The following BTBD7 variants were observed in gnomAD, a reference collection of about 807,000 sequenced individuals.
BTBD7 encodes the protein BTB domain containing 7.
BTBD7 carries 38 observed loss-of-function variants against 99.9 expected under a neutral mutation model. The observed-to-expected ratio is 0.38, with a 90% CI of 0.29 to 0.50. The LOEUF (loss-of-function observed/expected upper bound fraction) is 0.50. Ranked by LOEUF, BTBD7 falls within the 20% of genes least tolerant of loss-of-function variation. The pLI, the probability that BTBD7 is intolerant of heterozygous loss-of-function variation, is 0.93. For synonymous variants in BTBD7, 520 were observed against 511.4 expected, an observed-to-expected ratio of 1.02 and a Z score of -0.23; for missense variants, 1,170 against 1,394.6, an observed-to-expected ratio of 0.84 and a Z score of 2.57.
At chr14:93,265,561 G>T (rs2052532730) in intron 3 of BTBD7, among the ~76,000 whole-genome samples, 1 of 152,258 alleles carries the variant, frequency 6.6e-6, no homozygotes, top group Admixed American at 6.5e-5. Flanking sequence ...GTGGTTAACA[G>T]AACCATTCAT....
chr14:93,275,533 C>T (rs541638907), intron 3 of BTBD7, among the ~76,000 whole-genome samples: 1 of 152,326 alleles, frequency 6.6e-6, no homozygotes. Context: ...AGTTGCTTAA[C>T]AGTGGTCACT....
intron 3 of BTBD7, among the ~76,000 whole-genome samples, chr14:93,285,502 C>T (rs1227088036): frequency 6.6e-6 from 1 of 152,178 alleles, no homozygotes; most frequent in East Asian, 1.9e-4. Context: ...AGTTTGAAGT[C>T]TACAGTAAAT....
At chr14:93,315,099 C>T (rs2053183841) in intron 1 of BTBD7, among the ~76,000 whole-genome samples, 1 of 152,120 alleles carries the variant, frequency 6.6e-6, no homozygotes, top group South Asian at 2.1e-4. Context: ...TTACTGCAAA[C>T]ATTTTTACAT....
In BTBD7 at chr14:93,246,055, G is replaced by A. The variant is rs1374510886; in HGVS notation, c.2353C>T (p.Pro785Ser). The A allele has an allele frequency of 1.9e-6, 3 of 1,613,824 alleles. No individual in the cohort carries two copies. Among genetic ancestry groups the A allele is most frequent in the Non-Finnish European group, 2.5e-6 (3 of 1,179,940 alleles). ...AATGAACGTGAAGGGTGCTGACTGG[G>A]AGGTCTTTGCTTCCAGCCTGCTTTG... ...QLKAGWKQRPPSQHPSRSFSY... is the reference protein window; with the variant it reads ...QLKAGWKQRPSSQHPSRSFSY... The change falls in exon 10 of 11, where the codon CCC becomes TCC. Residue 785 changes from proline (P) to serine (S), a missense_variant. By Grantham distance (74) the Pro-to-Ser change is moderately conservative. Transcript: ENST00000334746.
At chr14:93,298,580 T>C (rs1457855251) in intron 1 of BTBD7, among the ~76,000 whole-genome samples, 2 of 152,082 alleles carry the variant, frequency 1.3e-5, no homozygotes, top group Non-Finnish European at 1.5e-5. Context: ...TATTACAAAA[T>C]TGGAAAAAAT....
chr14:93,284,202 G>C (rs1055394957), intron 3 of BTBD7, among the ~76,000 whole-genome samples: 1 of 152,098 alleles, frequency 6.6e-6, no homozygotes, highest in Non-Finnish European at 1.5e-5. Context: ...ACTGGCTTTT[G>C]AGAATTTTCT....
intron 1 of BTBD7, among the ~76,000 whole-genome samples, chr14:93,317,904 T>TTC (rs2139816768): frequency 6.6e-6 from 1 of 152,336 alleles, no homozygotes; most frequent in East Asian, 1.9e-4. Flanking sequence ...GCAGTGAGTC[T>TTC]CTTATAAGCT....
Position 93,246,098 on chromosome 14 carries a change from G to A in BTBD7, c.2310C>T (p.Thr770=). The change falls in exon 10 of 11, where the codon ACC becomes ACT. Residue 770 remains threonine (T), a synonymous_variant. Coordinates refer to ENST00000334746, the MANE Select transcript of BTBD7 (RefSeq NM_001002860.4). ...PPPPPYHPPA[T]PIHNQLKAGW... ...CTGCTTTGAGTTGGTTATGGATTGGGGTAGCTGGGGGGTGGTAGGGAGGTG... is the reference window on the plus strand; with the variant it reads ...CTGCTTTGAGTTGGTTATGGATTGGAGTAGCTGGGGGGTGGTAGGGAGGTG... The A allele has an allele frequency of 6.4e-7, 1 of 1,562,272 alleles. No homozygotes were observed. The highest frequency in any genetic ancestry group is 8.6e-7 in the Non-Finnish European group (1 of 1,158,880).
intron 2 of BTBD7, 64 bp downstream of exon 2, chr14:93,295,906 C>A: frequency 6.8e-7 from 1 of 1,468,624 alleles, no homozygotes; most frequent in Non-Finnish European, 9.5e-7. Flanking sequence ...TCTACAGAGA[C>A]TACCGAAAAC....
At chr14:93,272,055 A>C (rs1221070842) in intron 3 of BTBD7, among the ~76,000 whole-genome samples, 1 of 151,970 alleles carries the variant, frequency 6.6e-6, no homozygotes, top group Non-Finnish European at 1.5e-5. Flanking sequence ...GCAGTGGCTC[A>C]TGCCTGTAAT....
chr14:93,301,086 A>G (rs2052999154), intron 1 of BTBD7, among the ~76,000 whole-genome samples: 2 of 152,098 alleles, frequency 1.3e-5, no homozygotes, highest in South Asian at 4.1e-4. Context: ...GCTCATGCCT[A>G]TATTACGTCT....
intron 6 of BTBD7, among the ~76,000 whole-genome samples, chr14:93,254,172 C>T (rs1431798171): frequency 2.6e-5 from 4 of 151,952 alleles, no homozygotes; most frequent in African/African-American, 2.4e-5. Flanking sequence ...CTCCTGACCT[C>T]GTGATCTGCC....
intron 3 of BTBD7, among the ~76,000 whole-genome samples, chr14:93,272,734 T>C (rs2052613441): frequency 6.6e-6 from 1 of 152,180 alleles, no homozygotes; most frequent in African/African-American, 2.4e-5. Flanking sequence ...GTGTCAGATA[T>C]AAGGGCGAGA....
chr14:93,309,915 G>A (rs2053118833), intron 1 of BTBD7, among the ~76,000 whole-genome samples: 1 of 151,928 alleles, frequency 6.6e-6, no homozygotes, highest in Non-Finnish European at 1.5e-5. Flanking sequence ...AATAGTTAAT[G>A]GATCTCTACC....
At chr14:93,332,382 C>A (rs569921779) in intron 1 of BTBD7, 1 of 152,850 alleles carries the variant, frequency 6.5e-6, no homozygotes, top group East Asian at 1.9e-4. Flanking sequence ...ACTCTCACGC[C>A]CACCCCTGGC....
At chr14:93,284,055 A>T (rs992343586) in intron 3 of BTBD7, among the ~76,000 whole-genome samples, 2 of 142,248 alleles carry the variant, frequency 1.4e-5, no homozygotes, top group Non-Finnish European at 3.0e-5. Context: ...CATAAATTTA[A>T]TTCTCATTAC....
At chr14:93,323,227 G>A (rs1026928153) in intron 1 of BTBD7, among the ~76,000 whole-genome samples, 22 of 152,052 alleles carry the variant, frequency 1.4e-4, no homozygotes, top group African/African-American at 5.3e-4. Flanking sequence ...GGGGAACATA[G>A]CAAGAACGCG....
intron 9 of BTBD7, among the ~76,000 whole-genome samples, chr14:93,247,062 T>C (rs1403353960): frequency 6.6e-6 from 1 of 151,240 alleles, no homozygotes; most frequent in Non-Finnish European, 1.5e-5. Flanking sequence ...GGTCTCATTC[T>C]GTCACCCAGG....
chr14:93,301,898 G>A (rs778820538), intron 1 of BTBD7, among the ~76,000 whole-genome samples: 2 of 152,182 alleles, frequency 1.3e-5, no homozygotes, highest in African/African-American at 2.4e-5. Context: ...GTGCTAGAGC[G>A]CAAGGGAGAC....
Sources: gnomAD v4.1 joint callset for allele counts (sites outside exome capture counted in the v4.1 genomes callset) on GRCh38, gnomAD v4.1.1 for gene constraint, MANE v1.5 for transcripts, NCBI Gene and HGNC (gene_info 2026-07-23, HGNC 2026-07-21) for gene names.